SEZ6L: variants seen among roughly 807,000 people sequenced by gnomAD.
SEZ6L encodes seizure related 6 homolog like, also known as seizure 6-like protein.
In SEZ6L, 37 loss-of-function variants were observed where a neutral mutation model predicts 106.2. The ratio of observed to expected loss-of-function variants is 0.35; its 90% confidence interval spans 0.27 to 0.46. The LOEUF (loss-of-function observed/expected upper bound fraction) is 0.46, where lower values mean the gene tolerates loss of function less well. SEZ6L is among the 20% of genes least tolerant of loss of function. SEZ6L has a pLI of 1.00. For synonymous variants in SEZ6L, 541 were observed against 570.4 expected (o/e 0.95, Z 0.73); for missense variants, 1,172 against 1,332.8 (o/e 0.88, Z 1.88).
intron 1 of SEZ6L, among the ~76,000 whole-genome samples, chr22:26,174,620 G>A (rs1725781036): frequency 6.6e-6 from 1 of 152,156 alleles, no homozygotes; most frequent in African/African-American, 2.4e-5. Context: ...ACACAACCCT[G>A]GGTAAACACT....
chr22:26,170,523 A>G (rs1938513315), intron 1 of SEZ6L, among the ~76,000 whole-genome samples: 1 of 152,158 alleles, frequency 6.6e-6, no homozygotes. Context: ...TGTTTGTTGA[A>G]GGGGAAGAGG....
intron 9 of SEZ6L, among the ~76,000 whole-genome samples, chr22:26,315,072 C>T (rs628726): frequency 6.6e-6 from 1 of 152,020 alleles, no homozygotes; most frequent in Non-Finnish European, 1.5e-5. Flanking sequence ...AACCCAGCAG[C>T]CTGGGGAAGC....
At chr22:26,332,036 C>G (rs1289699228) in intron 9 of SEZ6L, among the ~76,000 whole-genome samples, 1 of 151,820 alleles carries the variant, frequency 6.6e-6, no homozygotes, top group Non-Finnish European at 1.5e-5. Flanking sequence ...ATACAAAAAT[C>G]ACAGCTATAT....
intron 12 of SEZ6L, among the ~76,000 whole-genome samples, chr22:26,360,336 G>A (rs1441832524): frequency 6.6e-6 from 1 of 152,124 alleles, no homozygotes; most frequent in Non-Finnish European, 1.5e-5. Flanking sequence ...CCAGGGCGAG[G>A]ACAGTGTTTA....
At chr22:26,354,769 C>A (rs758276228) in intron 12 of SEZ6L, among the ~76,000 whole-genome samples, 2 of 152,206 alleles carry the variant, frequency 1.3e-5, no homozygotes, top group Non-Finnish European at 2.9e-5. Context: ...ACGCAAGCCT[C>A]CCTCCCTCCC....
At chr22:26,358,340 C>A (rs5997076) in intron 12 of SEZ6L, among the ~76,000 whole-genome samples, 11,604 of 152,208 alleles carry the variant, frequency 0.076, 1,559 homozygotes, top group African/African-American at 0.26. Context: ...TACAAGCCAG[C>A]TTTCTCACCA....
At chr22:26,310,543 A>AG (rs397689167) in intron 6 of SEZ6L, 127 bp from the exon 7 acceptor site, 39 of 1,030,058 alleles carry the variant, frequency 3.8e-5, no homozygotes, top group Non-Finnish European at 5.1e-5. Flanking sequence ...TCAAAAAAAA[A>AG]GAGGCAGAGT....
At position 26,299,184 on chromosome 22, in the gene SEZ6L, C is replaced by G. The variant is rs377185431; in HGVS notation, c.1348+15C>G. On this transcript the variant is annotated intron_variant, in intron 5 of 16. Transcript: ENST00000248933. ...CATCTGCTCAGGTATGCTCCAGCCT[C>G]AGCCGGACCAAACCTGATGGTCCAA... is the stretch of plus-strand genomic sequence containing the variant. 1.2e-5 allele frequency: 17 copies of G among 1,415,450 alleles called. No homozygotes were observed. The highest frequency in any genetic ancestry group is 1.6e-5 in the Non-Finnish European group (17 of 1,074,920). The allele number at this position is 1,415,450 out of a possible 1,614,324, so 87.7% of individuals were successfully genotyped here.
chr22:26,225,328 C>T (rs1485021436), intron 1 of SEZ6L, among the ~76,000 whole-genome samples: 1 of 152,214 alleles, frequency 6.6e-6, no homozygotes, highest in Non-Finnish European at 1.5e-5. Context: ...ATCCACAAAA[C>T]ACTAAGAGTC....
At chr22:26,235,634 G>A (rs1074239) in intron 1 of SEZ6L, among the ~76,000 whole-genome samples, 77,593 of 151,886 alleles carry the variant, frequency 0.51, 20,479 homozygotes, top group South Asian at 0.68. Flanking sequence ...GAAAGAGAGG[G>A]AAGGCATTCT....
rs1380025961 is a variant in SEZ6L at position 26,382,591 on chromosome 22, C to T, written c.*2296C>T. The T allele has an allele frequency of 1.3e-5, 2 of 152,214 alleles. No individual in the cohort carries two copies. The highest frequency in any genetic ancestry group is 6.6e-5 in the Admixed American group (1 of 15,258). 9.4% of individuals were successfully genotyped at this position (152,214 alleles called of 1,614,324 possible). ...GTGTCTCAGTTCTGTCTTAGTAGTA[C>T]CACACCCGTAACCGTGTTTTAAAAG... On this transcript the variant is annotated 3_prime_UTR_variant, in exon 17 of 17. Coordinates refer to ENST00000248933, the MANE Select transcript of SEZ6L (RefSeq NM_021115.5).
intron 12 of SEZ6L, among the ~76,000 whole-genome samples, chr22:26,354,658 G>A (rs1042082682): frequency 2.0e-5 from 3 of 152,194 alleles, no homozygotes. Context: ...AATACTGAAA[G>A]GTGGAGGCAT....
At chr22:26,252,574 C>T (rs908466153) in intron 1 of SEZ6L, among the ~76,000 whole-genome samples, 1 of 152,200 alleles carries the variant, frequency 6.6e-6, no homozygotes, top group Non-Finnish European at 1.5e-5. Context: ...CCCCCTCCCT[C>T]ACTCCTCCCT....
intron 12 of SEZ6L, among the ~76,000 whole-genome samples, chr22:26,362,340 T>G (rs2083662603): frequency 6.6e-6 from 1 of 152,230 alleles, no homozygotes; most frequent in Admixed American, 6.5e-5. Context: ...CTTGGCCAAG[T>G]GTCAGCTGAA....
intron 5 of SEZ6L, 86 bp from the exon 6 acceptor site, chr22:26,305,893 T>G: frequency 7.4e-7 from 1 of 1,359,610 alleles, no homozygotes; most frequent in Non-Finnish European, 1.0e-6. Flanking sequence ...CTTCCTTCTC[T>G]CTCTCTCTCT....
At chr22:26,263,522 C>A (rs558133477) in intron 1 of SEZ6L, among the ~76,000 whole-genome samples, 3 of 152,354 alleles carry the variant, frequency 2.0e-5, no homozygotes, top group East Asian at 3.9e-4. Context: ...AATCCACATT[C>A]TTTCCATCCT....
At chr22:26,365,237 A>G in intron 12 of SEZ6L, 135 bp from the exon 13 acceptor site, 1 of 679,082 alleles carries the variant, frequency 1.5e-6, no homozygotes, top group Non-Finnish European at 2.5e-6. Context: ...GAAATAGAAA[A>G]CAGTCTGATG....
At position 26,266,578 on chromosome 22, in the gene SEZ6L, TAAATAAATAAA is replaced by T. The variant is rs1026624889; in HGVS notation, c.95-25827_95-25817del. ...AAAGAGCGAGACTCCGTCTCAAAAATAAATAAATAAATAAATAAATAAATAAATAAATAAAT... is the reference window on the plus strand; with the variant it reads ...AAAGAGCGAGACTCCGTCTCAAAAATTAAATAAATAAATAAATAAATAAAT... On this transcript the variant is annotated intron_variant, in intron 1 of 16. Transcript: ENST00000248933. 3.6e-4 allele frequency among the ~76,000 whole-genome samples: 4 copies of T among 11,070 alleles called. No homozygotes were observed. The African/African-American group carries it at 6.2e-3, about 17-fold the overall frequency. The allele number at this position is 11,070 out of a possible 152,430, so 7.3% of individuals were successfully genotyped here.
chr22:26,211,088 G>A (rs2078144095), intron 1 of SEZ6L, among the ~76,000 whole-genome samples: 1 of 152,120 alleles, frequency 6.6e-6, no homozygotes, highest in African/African-American at 2.4e-5. Flanking sequence ...CTGCCCTTAA[G>A]CTTTGGAAGC....
Sources: gnomAD v4.1 joint callset for allele counts (sites outside exome capture counted in the v4.1 genomes callset) on GRCh38, gnomAD v4.1.1 for gene constraint, MANE v1.5 for transcripts, NCBI Gene and HGNC (gene_info 2026-07-23, HGNC 2026-07-21) for gene names.